PIK3R5: variants seen among roughly 807,000 people sequenced by gnomAD.
PIK3R5 encodes the protein phosphoinositide 3-kinase regulatory subunit 5.
In PIK3R5, 32 loss-of-function variants were observed where a neutral mutation model predicts 94.9. That is an observed-to-expected ratio of 0.34 (90% CI 0.25 to 0.45). The LOEUF (loss-of-function observed/expected upper bound fraction) is 0.45, where lower values mean the gene tolerates loss of function less well. PIK3R5 is among the 20% of genes least tolerant of loss of function. PIK3R5 has a pLI of 1.00. For missense variants in PIK3R5, 853 were observed against 1,144.6 expected (o/e 0.75, Z 3.68); for synonymous variants, 443 against 479.4 (o/e 0.92, Z 0.99).
chr17:8,901,914 A>G (rs981981150), intron 5 of PIK3R5, among the ~76,000 whole-genome samples: 8 of 152,180 alleles, frequency 5.3e-5, no homozygotes, highest in African/African-American at 1.9e-4. Context: ...TTGTAGCTAC[A>G]TCTTTGTACA....
intron 1 of PIK3R5, among the ~76,000 whole-genome samples, chr17:8,912,724 AAG>A (rs1194716453): frequency 2.6e-5 from 4 of 152,244 alleles, no homozygotes; most frequent in African/African-American, 9.6e-5. Flanking sequence ...ATGACATACA[AAG>A]AGGGATAAAA....
At chr17:8,913,197 G>A (rs568069653) in intron 1 of PIK3R5, among the ~76,000 whole-genome samples, 48 of 152,314 alleles carry the variant, frequency 3.2e-4, no homozygotes, top group African/African-American at 1.1e-3. Flanking sequence ...CTGAAGAAGG[G>A]ACATTTAAGC....
chr17:8,961,882 G>T (rs1255620150), intron 1 of PIK3R5, among the ~76,000 whole-genome samples: 1 of 152,162 alleles, frequency 6.6e-6, no homozygotes, highest in African/African-American at 2.4e-5. Context: ...CCCCTTTTGG[G>T]TGTAACTTGC....
chr17:8,906,232 C>T (rs1183601612), intron 3 of PIK3R5, among the ~76,000 whole-genome samples: 1 of 152,164 alleles, frequency 6.6e-6, no homozygotes, highest in Non-Finnish European at 1.5e-5. Context: ...TCAAATCCCA[C>T]TTATGAGTGA....
At position 8,881,053 on chromosome 17, in the gene PIK3R5, G is replaced by T; in HGVS notation, c.2383-36C>A. 2 of 1,486,614 alleles carry T rather than the reference G, an allele frequency of 1.3e-6. No individual in the cohort carries two copies. The highest frequency in any genetic ancestry group is 1.9e-6 in the Non-Finnish European group (2 of 1,063,596). 92.1% of individuals were successfully genotyped at this position (1,486,614 alleles called of 1,614,324 possible). A position where few individuals can be genotyped will look rare whatever the true frequency, so the allele number is the denominator to read the frequency against. ...GGCCCAGGTCAGCCCCAAATCCCTG[G>T]CCATCCAACACTGCCAGCCCCTGGC... On this transcript the variant is annotated intron_variant, in intron 17 of 18. Coordinates refer to ENST00000447110, the MANE Select transcript of PIK3R5 (RefSeq NM_001142633.3). The surrounding 1 kb of genome is among the most constrained non-coding windows in gnomAD (Gnocchi z 4.8).
rs1220115492 is a variant in PIK3R5 at position 8,889,330 on chromosome 17, C to A, written c.812-108G>T. The stretch of plus-strand genomic sequence containing the variant: ...GAGACCAGAGATGGGACAGGATCGG[C>A]ACAAGGATATGTAGCTGGATAGGCT... On this transcript the variant is annotated intron_variant, in intron 8 of 18. Coordinates refer to ENST00000447110, the MANE Select transcript of PIK3R5 (RefSeq NM_001142633.3). This position sits in a 1 kb window ranked among gnomAD's most constrained non-coding sequence, Gnocchi z 4.1. 1 of 780,678 alleles carries A rather than the reference C, an allele frequency of 1.3e-6. No individual in the cohort carries two copies. Among genetic ancestry groups the A allele is most frequent in the African/African-American group, 1.8e-5 (1 of 56,772 alleles). The allele number at this position is 780,678 out of a possible 1,614,324, so 48.4% of individuals were successfully genotyped here. A position where few individuals can be genotyped will look rare whatever the true frequency, so the allele number is the denominator to read the frequency against.
intron 1 of PIK3R5, among the ~76,000 whole-genome samples, chr17:8,946,992 T>G (rs1336343362): frequency 6.6e-6 from 1 of 152,208 alleles, no homozygotes; most frequent in Non-Finnish European, 1.5e-5. Flanking sequence ...CATTAGAATG[T>G]GAGCTCCATG....
chr17:8,888,091 T>A lies in PIK3R5; in HGVS notation c.1616+80A>T, dbSNP rs1567635591. 6.3e-6 allele frequency: 8 copies of A among 1,277,130 alleles called. No individual in the cohort carries two copies. Among genetic ancestry groups the A allele is most frequent in the Non-Finnish European group, 9.0e-6 (8 of 893,630 alleles). 79.1% of individuals were successfully genotyped at this position (1,277,130 alleles called of 1,614,324 possible). ...GGAACTTTTGGTTCCTCTGGGGCCC[T>A]AAGCCTCAGGCCCCAGATTCCACCA... On this transcript the variant is annotated intron_variant, in intron 10 of 18. Transcript: ENST00000447110. This position sits in a 1 kb window ranked among gnomAD's most constrained non-coding sequence, Gnocchi z 7.8.
chr17:8,965,293 G>A (rs1285754619), intron 1 of PIK3R5, among the ~76,000 whole-genome samples: 1 of 152,244 alleles, frequency 6.6e-6, no homozygotes, highest in Non-Finnish European at 1.5e-5. Flanking sequence ...TCCTGTGTCA[G>A]AGGCAGGAGG....
chr17:8,918,711 G>A (rs1488752911), intron 1 of PIK3R5, among the ~76,000 whole-genome samples: 3 of 152,114 alleles, frequency 2.0e-5, no homozygotes, highest in African/African-American at 7.2e-5. Context: ...TAGCCTCAAA[G>A]TATTTCCCCC....
At chr17:8,954,120 T>C (rs1160815278) in intron 1 of PIK3R5, among the ~76,000 whole-genome samples, 1 of 152,172 alleles carries the variant, frequency 6.6e-6, no homozygotes, top group Non-Finnish European at 1.5e-5. Context: ...CCTTGCTTAC[T>C]CTGACCCAAG....
intron 1 of PIK3R5, among the ~76,000 whole-genome samples, chr17:8,914,468 T>C (rs1358642262): frequency 2.0e-5 from 3 of 152,204 alleles, no homozygotes; most frequent in Admixed American, 6.5e-5. Flanking sequence ...GTGGGCTTGC[T>C]GGGAGGTGTC....
At position 8,888,039 on chromosome 17, in the gene PIK3R5, A is replaced by AATAATG. The variant is rs2089919235; in HGVS notation, c.1616+131_1616+132insCATTAT. 4 of 250,152 alleles carry AATAATG rather than the reference A, an allele frequency of 1.6e-5. No individual in the cohort carries two copies. The highest frequency in any genetic ancestry group is 2.9e-5 in the Non-Finnish European group (4 of 137,678). 15.5% of individuals were successfully genotyped at this position (250,152 alleles called of 1,614,324 possible). ...TAATAATAATAATAATAATAATAAT[A>AATAATG]ATAATAATAAAATAAAAATAAATAA... On this transcript the variant is annotated intron_variant, in intron 10 of 18. Transcript: ENST00000447110. The surrounding 1 kb of genome is among the most constrained non-coding windows in gnomAD (Gnocchi z 7.8).
At chr17:8,951,003 G>A (rs965667557) in intron 1 of PIK3R5, among the ~76,000 whole-genome samples, 6 of 152,104 alleles carry the variant, frequency 3.9e-5, no homozygotes, top group East Asian at 1.9e-4. Context: ...TGACTGGTGC[G>A]AGATGGTATC....
chr17:8,947,156 A>T (rs370564452), intron 1 of PIK3R5, among the ~76,000 whole-genome samples: 1 of 151,972 alleles, frequency 6.6e-6, no homozygotes, highest in Non-Finnish European at 1.5e-5. Context: ...TGCATCAAAA[A>T]ATGAACCTAG....
rs1319561625 is a variant in PIK3R5, at chr17:8,892,903, C to T, written c.482+683G>A. 3.3e-5 allele frequency among the ~76,000 whole-genome samples: 5 copies of T among 152,184 alleles called. No individual in the cohort carries two copies. The highest frequency in any genetic ancestry group is 1.2e-4 in the African/African-American group (5 of 41,444). ...GCCTGCAGAGGGTCCTCCTAATGGG[C>T]ACCCCCTCTCTAGTGCTTTTCAAAC... On this transcript the variant is annotated intron_variant, in intron 6 of 18. Transcript: ENST00000447110. The surrounding 1 kb of genome is among the most constrained non-coding windows in gnomAD (Gnocchi z 4.3).
chr17:8,887,481 C>G, intron 11 of PIK3R5, 40 bp downstream of exon 11: 1 of 1,567,392 alleles, frequency 6.4e-7, no homozygotes, highest in Non-Finnish European at 8.7e-7. Context: ...GTAGCCAGAA[C>G]TCTACTTTCC....
intron 1 of PIK3R5, among the ~76,000 whole-genome samples, chr17:8,929,728 A>G (rs2090954146): frequency 6.6e-6 from 1 of 152,184 alleles, no homozygotes; most frequent in African/African-American, 2.4e-5. Context: ...TGAATACCAC[A>G]TGTTCTCACT....
Position 8,935,964 on chromosome 17 carries a change from G to C in PIK3R5, c.-13-24457C>G, listed in dbSNP as rs553822954. 3.3e-5 allele frequency among the ~76,000 whole-genome samples: 5 copies of C among 151,462 alleles called. No individual in the cohort carries two copies. Among genetic ancestry groups the C allele is most frequent in the Non-Finnish European group, 7.4e-5 (5 of 67,904 alleles). On this transcript the variant is annotated intron_variant, in intron 1 of 18. Transcript: ENST00000447110. The surrounding 1 kb of genome is among the most constrained non-coding windows in gnomAD (Gnocchi z 4.5). ...AGCTACTCGGGAGGCTGAGGCAGGA[G>C]AATGGCGTGAACCCGGGAGGCGGAG...
Sources: gnomAD v4.1 joint callset for allele counts (sites outside exome capture counted in the v4.1 genomes callset) on GRCh38, gnomAD v4.1.1 for gene constraint, Gnocchi (gnomAD v3.1) non-coding constraint, MANE v1.5 for transcripts, NCBI Gene and HGNC (gene_info 2026-07-23, HGNC 2026-07-21) for gene names.